RYR2: variants seen among roughly 807,000 people sequenced by gnomAD.
RYR2 encodes ryanodine receptor 2, also known as cardiac muscle ryanodine receptor-calcium release channel.
RYR2 carries 227 observed loss-of-function variants against 601.1 expected under a neutral mutation model. The ratio of observed to expected loss-of-function variants is 0.38; its 90% CI spans 0.34 to 0.42. The LOEUF is 0.42. Among genes scored for constraint, RYR2 ranks in the 10% least tolerant of loss-of-function variants. RYR2 has a pLI of 1.00. For missense variants in RYR2, 4,646 were observed against 6,156.5 expected (o/e 0.75, Z 8.21); for synonymous variants, 2,223 against 2,175.1 (o/e 1.02, Z -0.61).
rs2805411 is a variant in RYR2 at position 237,590,271 on chromosome 1, G to A, written c.3807+270G>A. On this transcript the variant is annotated intron_variant, in intron 30 of 104. Transcript: ENST00000366574. Reference sequence around the variant, plus strand: ...AGCTCAGACTATGTCTGGGGTTTGTGCGCATCAAGCTCTTTAGCTAGAAGA... The same window carrying A: ...AGCTCAGACTATGTCTGGGGTTTGTACGCATCAAGCTCTTTAGCTAGAAGA... Among the ~76,000 whole-genome samples the A allele has an allele frequency of 0.39, 59,670 of 151,444 alleles. 13,180 individuals carry two copies. The highest frequency in any genetic ancestry group is 0.5 in the Admixed American group (7,591 of 15,218).
chr1:237,801,556 A>AAAAC, intron 97 of RYR2, among the ~76,000 whole-genome samples: 1 of 151,756 alleles, frequency 6.6e-6, no homozygotes, highest in Non-Finnish European at 1.5e-5. Context: ...AAAAAAAAAA[A>AAAAC]ATGTTAATAC....
intron 38 of RYR2, among the ~76,000 whole-genome samples, chr1:237,617,804 T>C (rs533918431): frequency 2.9e-4 from 44 of 152,252 alleles, no homozygotes; most frequent in South Asian, 4.1e-4. Context: ...TCATAGGAAT[T>C]TTTGATTCCT....
At chr1:237,545,561 G>T (rs903063734) in intron 25 of RYR2, among the ~76,000 whole-genome samples, 11 of 152,140 alleles carry the variant, frequency 7.2e-5, no homozygotes, top group Non-Finnish European at 1.5e-4. Context: ...GCTGGCTTGT[G>T]CTGGGTGACC....
intron 2 of RYR2, among the ~76,000 whole-genome samples, chr1:237,311,225 A>T (rs764867539): frequency 1.3e-5 from 2 of 152,212 alleles, no homozygotes; most frequent in African/African-American, 2.4e-5. Context: ...TCTAAACATA[A>T]AAGCTGATAT....
chr1:237,630,586 T>C (rs1166909971), intron 41 of RYR2, among the ~76,000 whole-genome samples: 1 of 152,198 alleles, frequency 6.6e-6, no homozygotes, highest in East Asian at 1.9e-4. Context: ...TTCAATTTTC[T>C]CATAGGCTGT....
At chr1:237,759,513 G>T (rs1399104267) in intron 82 of RYR2, among the ~76,000 whole-genome samples, 3 of 152,180 alleles carry the variant, frequency 2.0e-5, no homozygotes, top group Non-Finnish European at 4.4e-5. Flanking sequence ...GACCAGGAGA[G>T]AATTAAGAGT....
In RYR2 at chr1:237,350,526, G is replaced by A. The variant is rs370558771; in HGVS notation, c.274-5439G>A. 4.8e-5 allele frequency among the ~76,000 whole-genome samples: 6 copies of A among 124,028 alleles called. No homozygotes were observed. In the East Asian group the frequency reaches 7.6e-4, roughly 16 times the overall value. 81.4% of individuals were successfully genotyped at this position (124,028 alleles called of 152,430 possible). ...GCAGAGGTTGCAGTGAGCTGAGATC[G>A]CACCACTGTACTCCAGCCTGGGTGA... is the stretch of plus-strand genomic sequence containing the variant. On this transcript the variant is annotated intron_variant, in intron 3 of 104. Coordinates refer to ENST00000366574, the MANE Select transcript of RYR2 (RefSeq NM_001035.3).
In RYR2 at chr1:237,503,322, A is replaced by C. The variant is rs1252500928; in HGVS notation, c.2430A>C (p.Glu810Asp). The change falls in exon 22 of 105, where the codon GAA becomes GAC. Residue 810 changes from glutamate to aspartate, a missense_variant. Transcript: ENST00000366574. The part of the protein sequence containing the change: ...VRFLLGGRHG[E>D]FKFLPPPGYA... The stretch of plus-strand genomic sequence containing the variant: ...TTCTGCTTGGAGGGCGACATGGAGA[A>C]TTCAAATTTCTTCCTCCACCTGGGT... The C allele has an allele frequency of 2.5e-6, 4 of 1,613,130 alleles. No individual in the cohort carries two copies. In the Admixed American group the frequency reaches 6.7e-5, roughly 27 times the overall value.
rs2127155 is a variant in RYR2 at position 237,491,531 on chromosome 1, G to T, written c.1709-275G>T. Among the ~76,000 whole-genome samples the T allele has an allele frequency of 0.65, 98,560 of 152,056 alleles. 33,922 individuals are homozygous for T. The highest frequency in any genetic ancestry group is 0.9 in the African/African-American group (37,383 of 41,518). ...CCCACCTCTGTGTTGCTTCGTGTAC[G>T]CCCTCCTTCGGGTAGCGTTACCGGC... On this transcript the variant is annotated intron_variant, in intron 17 of 104. Coordinates refer to ENST00000366574, the MANE Select transcript of RYR2 (RefSeq NM_001035.3).
chr1:237,616,029 G>A (rs578186779), intron 37 of RYR2, among the ~76,000 whole-genome samples: 2 of 152,072 alleles, frequency 1.3e-5, no homozygotes, highest in South Asian at 2.1e-4. Flanking sequence ...TAGGAAAATC[G>A]ATAAGGGAGG....
chr1:237,668,332 T>C (rs751315192), intron 58 of RYR2, among the ~76,000 whole-genome samples: 3 of 152,196 alleles, frequency 2.0e-5, no homozygotes, highest in African/African-American at 4.8e-5. Context: ...GGTCCAGCTA[T>C]GTTACTGTCT....
At chr1:237,773,446 A>T (rs1694423868) in intron 86 of RYR2, 74 bp from the exon 87 acceptor site, 1 of 1,006,858 alleles carries the variant, frequency 9.9e-7, no homozygotes, top group African/African-American at 1.6e-5. Flanking sequence ...TCAGGCATAA[A>T]GTCCAAGACT....
intron 1 of RYR2, among the ~76,000 whole-genome samples, chr1:237,149,825 C>T (rs1674503845): frequency 6.6e-6 from 1 of 151,440 alleles, no homozygotes; most frequent in Non-Finnish European, 1.5e-5. Context: ...TGAAATGCTG[C>T]CTTTCTGGGA....
chr1:237,709,337 T>A (rs958170362), intron 69 of RYR2, 143 bp from the exon 70 acceptor site: 81 of 660,208 alleles, frequency 1.2e-4, no homozygotes, highest in Middle Eastern at 3.3e-4. Flanking sequence ...GATGTTTAAA[T>A]TTTTTTTTAA....
intron 2 of RYR2, among the ~76,000 whole-genome samples, chr1:237,289,747 A>T (rs1191649853): frequency 6.6e-6 from 1 of 152,250 alleles, no homozygotes; most frequent in Admixed American, 6.5e-5. Context: ...TTTTGTAAGC[A>T]TGCTTATACA....
intron 41 of RYR2, among the ~76,000 whole-genome samples, chr1:237,628,610 GA>G (rs1391296139): frequency 6.6e-6 from 1 of 151,990 alleles, no homozygotes; most frequent in African/African-American, 2.4e-5. Flanking sequence ...TTTAGAGATA[GA>G]AACAAAAGCT....
intron 15 of RYR2, among the ~76,000 whole-genome samples, chr1:237,455,543 C>T (rs896571202): frequency 6.6e-6 from 1 of 151,992 alleles, no homozygotes; most frequent in African/African-American, 2.4e-5. Flanking sequence ...ACATAACAAA[C>T]CTGCACATGT....
intron 8 of RYR2, among the ~76,000 whole-genome samples, chr1:237,386,889 A>G (rs1236809880): frequency 1.3e-5 from 2 of 152,218 alleles, no homozygotes; most frequent in Non-Finnish European, 2.9e-5. Context: ...ACTTGGTCCA[A>G]TAGATTTCAC....
At chr1:237,761,870 T>G (rs1418674080) in intron 84 of RYR2, among the ~76,000 whole-genome samples, 2 of 152,206 alleles carry the variant, frequency 1.3e-5, no homozygotes, top group Non-Finnish European at 2.9e-5. Context: ...TTTTGGAACA[T>G]TGGGTCTTTT....
Sources: allele counts gnomAD v4.1 joint callset (sites outside exome capture counted in the v4.1 genomes callset), GRCh38; gene constraint gnomAD v4.1.1; transcripts MANE v1.5; gene names NCBI Gene and HGNC (gene_info 2026-07-23, HGNC 2026-07-21).